EXOC6: variants seen among roughly 807,000 people sequenced by gnomAD.
EXOC6 encodes the protein SEC15-like 1.
EXOC6 carries 60 observed loss-of-function variants against 112.5 expected under a neutral mutation model. The observed-to-expected ratio is 0.53, with a 90% CI of 0.43 to 0.66. EXOC6 has a LOEUF of 0.66. Ranked by LOEUF, EXOC6 falls within the 30% of genes least tolerant of loss-of-function variation. The pLI is 0.00. For missense variants in EXOC6, 855 were observed against 957.1 expected, an observed-to-expected ratio of 0.89 and a Z score of 1.41; for synonymous variants, 295 against 308.0, an observed-to-expected ratio of 0.96 and a Z score of 0.44.
At chr10:92,867,421 G>A (rs1458226692) in intron 1 of EXOC6, among the ~76,000 whole-genome samples, 1 of 152,082 alleles carries the variant, frequency 6.6e-6, no homozygotes, top group Non-Finnish European at 1.5e-5. Flanking sequence ...AAGCGGGGAT[G>A]ACCCAGAGAA....
At chr10:92,971,595 C>T (rs1323567054) in intron 17 of EXOC6, among the ~76,000 whole-genome samples, 3 of 151,008 alleles carry the variant, frequency 2.0e-5, no homozygotes, top group Admixed American at 6.6e-5. Flanking sequence ...AGGCTCATCT[C>T]GAACTCTTGA....
At chr10:92,982,111 G>A (rs868747724) in intron 18 of EXOC6, among the ~76,000 whole-genome samples, 9 of 151,984 alleles carry the variant, frequency 5.9e-5, no homozygotes, top group African/African-American at 1.9e-4. Context: ...GCAAGACTCC[G>A]TCTCAAAAAA....
chr10:92,846,452 G>A (rs550055111), upstream of EXOC6, among the ~76,000 whole-genome samples: 1 of 152,304 alleles, frequency 6.6e-6, no homozygotes, highest in Non-Finnish European at 1.5e-5. Context: ...GCCTCCCAAA[G>A]CTCTGGGATT....
intron 20 of EXOC6, among the ~76,000 whole-genome samples, chr10:93,027,947 G>A (rs2134280035): frequency 6.6e-6 from 1 of 152,196 alleles, no homozygotes; most frequent in East Asian, 1.9e-4. Flanking sequence ...TCCTCTGATG[G>A]GTCTGGGCAA....
chr10:92,981,444 A>T (rs1842821084), intron 18 of EXOC6, among the ~76,000 whole-genome samples: 1 of 152,194 alleles, frequency 6.6e-6, no homozygotes, highest in South Asian at 2.1e-4. Flanking sequence ...CATAGGGGAG[A>T]CATGTAAATG....
At chr10:92,936,563 C>T (rs1478232051) in intron 12 of EXOC6, among the ~76,000 whole-genome samples, 2 of 152,148 alleles carry the variant, frequency 1.3e-5, no homozygotes, top group Non-Finnish European at 2.9e-5. Context: ...CCACTGCGCT[C>T]CCCTGGGCAA....
At chr10:93,007,131 A>T (rs1844024211) in intron 19 of EXOC6, among the ~76,000 whole-genome samples, 1 of 152,164 alleles carries the variant, frequency 6.6e-6, no homozygotes, top group African/African-American at 2.4e-5. Context: ...TCTGAGTTTA[A>T]TTCCCTCTGA....
At chr10:92,998,699 A>G (rs1311461570) in intron 19 of EXOC6, among the ~76,000 whole-genome samples, 1 of 151,094 alleles carries the variant, frequency 6.6e-6, no homozygotes, top group Non-Finnish European at 1.5e-5. Flanking sequence ...CATTTATTTA[A>G]AAAAAAAGAA....
chr10:92,854,605 C>T (rs749513572), intron 1 of EXOC6, among the ~76,000 whole-genome samples: 2 of 152,106 alleles, frequency 1.3e-5, no homozygotes, highest in Admixed American at 6.6e-5. Context: ...TTTTCTGTAT[C>T]TATTGAGGTG....
At chr10:92,831,329 T>G (rs1263882941), upstream of EXOC6, 1 of 1,289,018 alleles carries the variant, frequency 7.8e-7, no homozygotes, top group African/African-American at 1.5e-5. Flanking sequence ...GAATGTGCTG[T>G]GTAGGAGGAG....
At chr10:92,899,232 ACTAAAGT>A (rs1231882895) in intron 4 of EXOC6, among the ~76,000 whole-genome samples, 19 of 152,196 alleles carry the variant, frequency 1.2e-4, no homozygotes, top group Non-Finnish European at 2.8e-4. Context: ...CTCTCAAATA[ACTAAAGT>A]CTAAAGTTCC....
chr10:92,946,306 A>G (rs886713606), intron 13 of EXOC6, among the ~76,000 whole-genome samples: 1 of 151,962 alleles, frequency 6.6e-6, no homozygotes, highest in Non-Finnish European at 1.5e-5. Flanking sequence ...AAAAAAAAGA[A>G]TCGCTTGAAC....
intron 1 of EXOC6, among the ~76,000 whole-genome samples, chr10:92,880,827 C>T (rs1293836778): frequency 1.3e-5 from 2 of 151,484 alleles, no homozygotes. Context: ...TAGGACAGCA[C>T]CAAAAAGGAC....
At chr10:92,906,824 G>T (rs10786060) in intron 5 of EXOC6, among the ~76,000 whole-genome samples, 1 of 151,928 alleles carries the variant, frequency 6.6e-6, no homozygotes, top group Admixed American at 6.6e-5. Context: ...CAACATGATA[G>T]CATCAGATCA....
chr10:92,878,630 G>C (rs186045432), intron 1 of EXOC6, among the ~76,000 whole-genome samples: 4 of 152,214 alleles, frequency 2.6e-5, no homozygotes, highest in Non-Finnish European at 5.9e-5. Flanking sequence ...CCAGGAAGTT[G>C]CTTCTTCCTG....
At chr10:92,832,692 C>CTTT (rs11396161), upstream of EXOC6, among the ~76,000 whole-genome samples, 1 of 145,314 alleles carries the variant, frequency 6.9e-6, no homozygotes, top group Non-Finnish European at 1.5e-5. Context: ...ACATAAAGAA[C>CTTT]TTTTTTTTTT....
At chr10:92,931,347 G>T (rs1420640734) in intron 9 of EXOC6, among the ~76,000 whole-genome samples, 1 of 151,292 alleles carries the variant, frequency 6.6e-6, no homozygotes, top group Admixed American at 6.6e-5. Context: ...ATAGATGATT[G>T]AGAAACAAAT....
At chr10:92,928,648 T>TAAAAAAAAAAAAAAAAAACAAAAAA (rs566205385) in intron 9 of EXOC6, among the ~76,000 whole-genome samples, 1 of 139,258 alleles carries the variant, frequency 7.2e-6, no homozygotes. Context: ...ACAGCGAATT[T>TAAAAAAAAAAAAAAAAAACAAAAAA]AAAAAAAAAA....
chr10:92,908,813 CAGT>C (rs1309914150), intron 5 of EXOC6, among the ~76,000 whole-genome samples: 1 of 152,066 alleles, frequency 6.6e-6, no homozygotes, highest in African/African-American at 2.4e-5. Flanking sequence ...CACTGTGAAA[CAGT>C]AGCCCCCAAA....
Sources: allele counts gnomAD v4.1 joint callset (sites outside exome capture counted in the v4.1 genomes callset), GRCh38; gene constraint gnomAD v4.1.1; transcripts MANE v1.5; gene names NCBI Gene and HGNC (gene_info 2026-07-23, HGNC 2026-07-21).